Variants in BUB1 observed in about 807,000 individuals in gnomAD.
BUB1 encodes the protein BUB1 mitotic checkpoint serine/threonine kinase, also known as mitotic checkpoint serine/threonine-protein kinase BUB1.
In BUB1, 84 loss-of-function variants were observed where a neutral mutation model predicts 135.2. The observed-to-expected ratio is 0.62, with a 90% CI of 0.52 to 0.74. The LOEUF is 0.74. BUB1 is among the 30% of genes least tolerant of loss of function. The pLI, the probability that BUB1 is intolerant of heterozygous loss-of-function variation, is 0.00. For synonymous variants in BUB1, 403 were observed against 434.4 expected (o/e 0.93, Z 0.90); for missense variants, 1,162 against 1,288.3 (o/e 0.90, Z 1.50).
chr2:110,672,814 T>C lies in BUB1; in HGVS notation c.269A>G (p.Tyr90Cys). Residue 90 changes from tyrosine to cysteine, a missense_variant, in exon 4 of 25, where the codon TAC (tyrosine) becomes TGC (cysteine). Physicochemically the swap from Tyr to Cys is radical, Grantham distance 194. Transcript: ENST00000302759. Reference sequence around the variant, plus strand: ...TGACAGGGTTCCAATCCCATGGTTGTACAGAAACTCAAAAAATTGATGGAG... The same window carrying C: ...TGACAGGGTTCCAATCCCATGGTTGCACAGAAACTCAAAAAATTGATGGAG... The part of the protein sequence containing the change: ...SDLHQFFEFL[Y>C]NHGIGTLSSP... The C allele has an allele frequency of 6.2e-7, 1 of 1,609,976 alleles. No homozygotes were observed. Among genetic ancestry groups the C allele is most frequent in the Non-Finnish European group, 8.5e-7 (1 of 1,178,852 alleles).
intron 8 of BUB1, among the ~76,000 whole-genome samples, chr2:110,666,708 CAT>C (rs1334260540): frequency 2.6e-5 from 4 of 151,156 alleles, no homozygotes; most frequent in Admixed American, 6.6e-5. Flanking sequence ...CCATCATATA[CAT>C]GACTGTTCTT....
At chr2:110,659,608 C>A (rs1447109774) in intron 11 of BUB1, among the ~76,000 whole-genome samples, 1 of 152,186 alleles carries the variant, frequency 6.6e-6, no homozygotes, top group African/African-American at 2.4e-5. Context: ...TAAGACTTAT[C>A]TCCTATGCAA....
At position 110,648,901 on chromosome 2, in the gene BUB1, T is replaced by C. The variant is rs935768168; in HGVS notation, c.2347+333A>G. 1.2e-5 allele frequency: 2 copies of C among 160,886 alleles called. No individual in the cohort carries two copies. Among genetic ancestry groups the C allele is most frequent in the African/African-American group, 2.4e-5 (1 of 41,754 alleles). 10.0% of individuals were successfully genotyped at this position (160,886 alleles called of 1,614,324 possible). ...GTGAGCTTTCTTGTTCTGTTGCCAATGTTACTATAGTATTTTACTATAGAA... is the reference window on the plus strand; with the variant it reads ...GTGAGCTTTCTTGTTCTGTTGCCAACGTTACTATAGTATTTTACTATAGAA... On this transcript the variant is annotated intron_variant, in intron 19 of 24. Transcript: ENST00000302759. This position sits in a 1 kb window ranked among gnomAD's most constrained non-coding sequence, Gnocchi z 4.2.
chr2:110,650,881 C>T, intron 17 of BUB1, 97 bp from the exon 18 acceptor site: 2 of 1,174,244 alleles, frequency 1.7e-6, no homozygotes, highest in Non-Finnish European at 1.2e-6. Flanking sequence ...CTAGAAATGA[C>T]ATTTCACAAT....
chr2:110,642,699 TG>T (rs1689537254), intron 19 of BUB1: 1 of 152,670 alleles, frequency 6.6e-6, no homozygotes, highest in Admixed American at 6.5e-5. Flanking sequence ...AGTAGTTTTT[TG>T]TTTGTTCTTT....
intron 24 of BUB1, among the ~76,000 whole-genome samples, chr2:110,639,216 C>T (rs1282550524): frequency 6.6e-6 from 1 of 151,942 alleles, no homozygotes; most frequent in Non-Finnish European, 1.5e-5. Flanking sequence ...CATGAATTTT[C>T]ACTGTGATTT....
chr2:110,673,667 C>T (rs535102764), intron 3 of BUB1, among the ~76,000 whole-genome samples: 1 of 152,136 alleles, frequency 6.6e-6, no homozygotes, highest in Admixed American at 6.5e-5. Flanking sequence ...GATCTGATCT[C>T]GGCTCATGGC....
At chr2:110,659,607 T>C (rs934849905) in intron 11 of BUB1, among the ~76,000 whole-genome samples, 7 of 152,198 alleles carry the variant, frequency 4.6e-5, no homozygotes, top group Admixed American at 3.3e-4. Context: ...ATAAGACTTA[T>C]CTCCTATGCA....
At position 110,655,936 on chromosome 2, in the gene BUB1, G is replaced by A. The variant is rs763743565; in HGVS notation, c.1699-20C>T. ...TTCCTCCTATAACAGAAGATGAAAT[G>A]AAAAAAAAGCAGCAATCTCCCTCTT... is the stretch of plus-strand genomic sequence containing the variant. On this transcript the variant is annotated intron_variant, in intron 15 of 24. Transcript: ENST00000302759. 37 of 1,595,248 alleles carry A rather than the reference G, an allele frequency of 2.3e-5. No individual in the cohort carries two copies. In the Admixed American group the frequency reaches 2.7e-4, roughly 11 times the overall value.
chr2:110,642,161 T>C lies in BUB1; in HGVS notation c.2421A>G (p.Gly807=). Residue 807 remains glycine, a synonymous_variant, in exon 20 of 25, where the codon GGA becomes GGG. Transcript: ENST00000302759. ...AFAQVYEATQ[G]DLNDAKNKQK... ...GTTTATTTTTAGCATCATTCAGATC[T>C]CCCTGGGTAGCTTCGTACACCTGGG... 1 of 1,613,710 alleles carries C rather than the reference T, an allele frequency of 6.2e-7. No homozygotes were observed.
chr2:110,639,910 T>A (rs1304547562), intron 23 of BUB1, 62 bp from the exon 24 acceptor site: 1 of 1,329,688 alleles, frequency 7.5e-7, no homozygotes, highest in Non-Finnish European at 1.1e-6. Flanking sequence ...TATATCAAGA[T>A]GCCTGTCTAA....
chr2:110,667,473 T>G (rs770707556), intron 8 of BUB1, 48 bp downstream of exon 8: 1 of 1,531,586 alleles, frequency 6.5e-7, no homozygotes, highest in East Asian at 2.3e-5. Context: ...GAGATGAGGA[T>G]TTTTTTATGT....
intron 23 of BUB1, among the ~76,000 whole-genome samples, chr2:110,640,785 C>G (rs1322805488): frequency 6.6e-6 from 1 of 152,170 alleles, no homozygotes; most frequent in South Asian, 2.1e-4. Context: ...ATACTCTTCC[C>G]TATGATCAAA....
intron 17 of BUB1, among the ~76,000 whole-genome samples, 188 bp from the exon 18 acceptor site, chr2:110,650,972 GA>G (rs1379159293): frequency 2.0e-5 from 3 of 152,038 alleles, no homozygotes; most frequent in African/African-American, 7.2e-5. Context: ...AATATGAACA[GA>G]AATAATAAAA....
chr2:110,663,994 C>A (rs555659037), intron 9 of BUB1, among the ~76,000 whole-genome samples: 353 of 148,696 alleles, frequency 2.4e-3, no homozygotes, highest in African/African-American at 3.3e-3. Context: ...ATGCCACTGC[C>A]CTCCAGCCTG....
rs1690029633 is a variant in BUB1, at chr2:110,659,745, A to G, written c.1276+233T>C. 3.3e-5 allele frequency among the ~76,000 whole-genome samples: 5 copies of G among 152,250 alleles called. No individual in the cohort carries two copies. The South Asian group carries it at 1.0e-3, about 31-fold the overall frequency. ...TAATTTCCTGAGAAATTTACTAGAA[A>G]TGTATTCACAAATTACATTTCCAAA... On this transcript the variant is annotated intron_variant, in intron 11 of 24. Coordinates refer to ENST00000302759, the MANE Select transcript of BUB1 (RefSeq NM_004336.5).
chr2:110,641,530 G>A (rs1689504334), intron 21 of BUB1, 66 bp from the exon 22 acceptor site: 1 of 1,559,372 alleles, frequency 6.4e-7, no homozygotes, highest in Middle Eastern at 2.2e-4. Context: ...CAAATTGAGA[G>A]CTTTGCCCCT....
Position 110,674,125 on chromosome 2 carries a change from G to A in BUB1, c.186C>T (p.Tyr62=). The A allele has an allele frequency of 6.4e-7, 1 of 1,556,434 alleles. No homozygotes were observed. Among genetic ancestry groups the A allele is most frequent in the Non-Finnish European group, 8.9e-7 (1 of 1,128,798 alleles). ...AACTGATGAATCTTGGGTCATTGTG[G>A]TATTTCTTCTTATCTAAAAATTCCT... ...LMKEFLDKKK[Y]HNDPRFISYC... Residue 62 remains tyrosine, a synonymous_variant, in exon 3 of 25, where the codon TAC becomes TAT. Coordinates refer to ENST00000302759, the MANE Select transcript of BUB1 (RefSeq NM_004336.5).
chr2:110,658,551 G>A (rs1309070256), intron 12 of BUB1, 31 bp from the exon 13 acceptor site: 2 of 1,613,536 alleles, frequency 1.2e-6, no homozygotes, highest in Non-Finnish European at 1.7e-6. Flanking sequence ...ATTGTAAACA[G>A]GTTGCAAAAG....
Sources: allele counts gnomAD v4.1 joint callset (sites outside exome capture counted in the v4.1 genomes callset), GRCh38; gene constraint gnomAD v4.1.1; non-coding constraint Gnocchi (gnomAD v3.1); transcripts MANE v1.5; gene names NCBI Gene and HGNC (gene_info 2026-07-23, HGNC 2026-07-21).